TNKS: variants seen among roughly 807,000 people sequenced by gnomAD.
The protein encoded by TNKS is tankyrase, also known as poly [ADP-ribose] polymerase tankyrase-1.
TNKS carries 72 observed loss-of-function variants against 135.8 expected under a neutral mutation model. The observed-to-expected ratio is 0.53, with a 90% CI of 0.44 to 0.64. The LOEUF is 0.64. Ranked by LOEUF, TNKS falls within the 30% of genes least tolerant of loss-of-function variation. TNKS has a pLI of 0.00. For synonymous variants in TNKS, 849 were observed against 649.3 expected, an observed-to-expected ratio of 1.31 and a Z score of -4.68; for missense variants, 1,769 against 1,674.0, an observed-to-expected ratio of 1.06 and a Z score of -0.99.
chr8:9,649,942 T>G (rs1159896990), intron 3 of TNKS, among the ~76,000 whole-genome samples: 12 of 127,606 alleles, frequency 9.4e-5, no homozygotes, highest in African/African-American at 3.6e-4. Context: ...CAGGCTGGAG[T>G]GCAGTGGCAT....
At chr8:9,624,623 TTTCTC>T (rs1471867988) in intron 3 of TNKS, among the ~76,000 whole-genome samples, 25 of 152,324 alleles carry the variant, frequency 1.6e-4, no homozygotes, top group Middle Eastern at 3.4e-3. Context: ...GTTTTGTACT[TTTCTC>T]TACTTATAAT....
At chr8:9,570,325 C>G (rs1797709149) in intron 1 of TNKS, among the ~76,000 whole-genome samples, 2 of 152,124 alleles carry the variant, frequency 1.3e-5, no homozygotes, top group Admixed American at 1.3e-4. Flanking sequence ...CCTGTATTGA[C>G]TGTAATGGGG....
chr8:9,720,211 A>T (rs1011537966), intron 11 of TNKS, among the ~76,000 whole-genome samples, 163 bp from the exon 12 acceptor site: 3 of 152,352 alleles, frequency 2.0e-5, no homozygotes, highest in Non-Finnish European at 4.4e-5. Context: ...TAAAAAGAAG[A>T]TAGTTCTTCA....
intron 1 of TNKS, chr8:9,558,821 T>C (rs1797195324): frequency 1.3e-5 from 2 of 152,286 alleles, no homozygotes; most frequent in African/African-American, 4.8e-5. Context: ...ATTCTCGATA[T>C]GAAAACATAA....
rs1393549917 is a variant in TNKS, at chr8:9,742,823, T to A, written c.2644-5201T>A. Reference sequence around the variant, plus strand: ...TTAAGGATATACATGTATATCCTTATATTTAAGGAGTAATAAATACATACA... The same window carrying A: ...TTAAGGATATACATGTATATCCTTAAATTTAAGGAGTAATAAATACATACA... On this transcript the variant is annotated intron_variant, in intron 17 of 26. Coordinates refer to ENST00000310430, the MANE Select transcript of TNKS (RefSeq NM_003747.3). Among the ~76,000 whole-genome samples the A allele has an allele frequency of 3.3e-5, 5 of 150,714 alleles. No homozygotes were observed. The East Asian group carries it at 5.8e-4, about 18-fold the overall frequency.
intron 2 of TNKS, among the ~76,000 whole-genome samples, chr8:9,587,469 G>A (rs1403147778): frequency 1.3e-5 from 2 of 150,246 alleles, no homozygotes; most frequent in Non-Finnish European, 2.9e-5. Context: ...GCACAGTCTC[G>A]GCTCACTGTA....
chr8:9,780,688 T>G lies in TNKS; in HGVS notation c.*3952T>G, dbSNP rs1396889357. On this transcript the variant is annotated 3_prime_UTR_variant, in exon 27 of 27. Transcript: ENST00000310430. ...AACTTTTTAACCTTTTATATTTTAATAAATAAAACATTGTAGTCCCATTTC... is the reference window on the plus strand; with the variant it reads ...AACTTTTTAACCTTTTATATTTTAAGAAATAAAACATTGTAGTCCCATTTC... The G allele has an allele frequency of 6.6e-6, 1 of 152,234 alleles. No homozygotes were observed. Among genetic ancestry groups the G allele is most frequent in the Non-Finnish European group, 1.5e-5 (1 of 68,048 alleles). 9.4% of individuals were successfully genotyped at this position (152,234 alleles called of 1,614,324 possible). A position where few individuals can be genotyped will look rare whatever the true frequency, so the allele number is the denominator to read the frequency against.
intron 21 of TNKS, among the ~76,000 whole-genome samples, chr8:9,762,287 C>T (rs186462552): frequency 6.6e-6 from 1 of 152,162 alleles, no homozygotes; most frequent in African/African-American, 2.4e-5. Context: ...ATCTACAGAG[C>T]TAATCAAATT....
At chr8:9,573,820 A>C (rs1797847818) in intron 1 of TNKS, among the ~76,000 whole-genome samples, 1 of 152,226 alleles carries the variant, frequency 6.6e-6, no homozygotes, top group South Asian at 2.1e-4. Flanking sequence ...TTTTGCTGCC[A>C]TAGATAAAAA....
At chr8:9,569,140 A>T (rs1797664069) in intron 1 of TNKS, among the ~76,000 whole-genome samples, 1 of 152,202 alleles carries the variant, frequency 6.6e-6, no homozygotes, top group African/African-American at 2.4e-5. Context: ...GAATTCTAGT[A>T]TTTCCTTGAA....
intron 16 of TNKS, 60 bp downstream of exon 16, chr8:9,735,144 A>C (rs1563199566): frequency 6.6e-7 from 1 of 1,510,178 alleles, no homozygotes; most frequent in Non-Finnish European, 8.9e-7. Context: ...AATACAGTTT[A>C]CTAAAAGACG....
intron 3 of TNKS, among the ~76,000 whole-genome samples, chr8:9,617,279 T>C (rs1365482796): frequency 1.3e-5 from 2 of 152,204 alleles, no homozygotes; most frequent in Non-Finnish European, 2.9e-5. Context: ...AGGACAGATA[T>C]CACATCTACT....
chr8:9,574,836 C>T (rs917696428), intron 1 of TNKS, among the ~76,000 whole-genome samples: 1 of 151,978 alleles, frequency 6.6e-6, no homozygotes, highest in African/African-American at 2.4e-5. Flanking sequence ...GCCATTTCTT[C>T]CTTAATTATA....
chr8:9,645,148 G>A (rs1206714979), intron 3 of TNKS, among the ~76,000 whole-genome samples: 2 of 152,114 alleles, frequency 1.3e-5, no homozygotes, highest in African/African-American at 4.8e-5. Context: ...ATCAGGAGAA[G>A]TGGTGAATGC....
chr8:9,687,402 G>A (rs1448903886), intron 5 of TNKS, among the ~76,000 whole-genome samples: 2 of 152,072 alleles, frequency 1.3e-5, no homozygotes, highest in African/African-American at 4.8e-5. Flanking sequence ...AAGTTTTCTT[G>A]CCTCCTTATG....
intron 17 of TNKS, among the ~76,000 whole-genome samples, chr8:9,740,613 A>G (rs1805892600): frequency 6.6e-6 from 1 of 152,162 alleles, no homozygotes; most frequent in South Asian, 2.1e-4. Flanking sequence ...ATCATATTTA[A>G]TGAGTGTTAG....
At chr8:9,740,014 C>G in intron 17 of TNKS, among the ~76,000 whole-genome samples, 1 of 102,888 alleles carries the variant, frequency 9.7e-6, no homozygotes, top group Non-Finnish European at 1.8e-5. Context: ...ATGTAACTAA[C>G]CTGCACAATG....
At chr8:9,616,234 A>G (rs1338828477) in intron 3 of TNKS, among the ~76,000 whole-genome samples, 1 of 152,174 alleles carries the variant, frequency 6.6e-6, no homozygotes, top group Non-Finnish European at 1.5e-5. Context: ...TGGCTTAAAT[A>G]TTAGTTTTAT....
chr8:9,723,200 A>G (rs2128813678), intron 12 of TNKS, among the ~76,000 whole-genome samples: 1 of 151,226 alleles, frequency 6.6e-6, no homozygotes, highest in Non-Finnish European at 1.5e-5. Context: ...GAAATAGGAT[A>G]TGAGTTTTTA....
Sources: allele counts gnomAD v4.1 joint callset (sites outside exome capture counted in the v4.1 genomes callset), GRCh38; gene constraint gnomAD v4.1.1; transcripts MANE v1.5; gene names NCBI Gene and HGNC (gene_info 2026-07-23, HGNC 2026-07-21).